The following KCNT2 variants were observed in gnomAD, a reference collection of about 807,000 sequenced individuals.
KCNT2 encodes potassium sodium-activated channel subfamily T member 2.
KCNT2 carries 67 observed loss-of-function variants against 153.8 expected under a neutral mutation model. The ratio of observed to expected loss-of-function variants is 0.44; its 90% CI spans 0.36 to 0.53. KCNT2 has a LOEUF of 0.53. Ranked by LOEUF, KCNT2 falls within the 20% of genes least tolerant of loss-of-function variation. KCNT2 has a pLI of 0.00. For missense variants in KCNT2, 975 were observed against 1,354.8 expected, an observed-to-expected ratio of 0.72 and a Z score of 4.40; for synonymous variants, 500 against 458.8, an observed-to-expected ratio of 1.09 and a Z score of -1.15.
chr1:196,329,950 C>CAT (rs71154737), intron 18 of KCNT2, among the ~76,000 whole-genome samples: 4,471 of 73,338 alleles, frequency 0.061, 147 homozygotes, highest in Admixed American at 0.11. Flanking sequence ...TTCCTCAAGA[C>CAT]ATATATATAT....
chr1:196,492,366 T>C (rs369995782), intron 1 of KCNT2, 25 bp from the exon 2 acceptor site: 6 of 1,326,500 alleles, frequency 4.5e-6, no homozygotes, highest in Non-Finnish European at 6.0e-6. Flanking sequence ...TAAAAACATG[T>C]AAATGTATGC....
intron 4 of KCNT2, 119 bp downstream of exon 4, chr1:196,482,212 G>T: frequency 1.5e-6 from 1 of 663,544 alleles, no homozygotes; most frequent in Non-Finnish European, 2.6e-6. Flanking sequence ...AGATGTGCAT[G>T]AAGATTAATC....
intron 21 of KCNT2, among the ~76,000 whole-genome samples, chr1:196,313,455 C>T (rs149067723): frequency 9.9e-5 from 15 of 151,568 alleles, no homozygotes; most frequent in African/African-American, 3.6e-4. Flanking sequence ...CATAGTAAAT[C>T]AGGAACTAAA....
chr1:196,416,657 TCTC>T (rs1672778575), intron 12 of KCNT2, among the ~76,000 whole-genome samples: 1 of 152,030 alleles, frequency 6.6e-6, no homozygotes, highest in Non-Finnish European at 1.5e-5. Flanking sequence ...CCTTATTTCT[TCTC>T]CTGATTCATA....
At chr1:196,303,346 T>C (rs1004657996) in intron 22 of KCNT2, among the ~76,000 whole-genome samples, 6 of 152,172 alleles carry the variant, frequency 3.9e-5, no homozygotes, top group Non-Finnish European at 5.9e-5. Flanking sequence ...AAATATTAAG[T>C]TTTATTTTTC....
intron 3 of KCNT2, among the ~76,000 whole-genome samples, chr1:196,488,931 G>A (rs984178854): frequency 2.0e-5 from 3 of 151,948 alleles, no homozygotes; most frequent in African/African-American, 7.2e-5. Context: ...AGAGCACCCA[G>A]AAGATACTCC....
intron 26 of KCNT2, among the ~76,000 whole-genome samples, chr1:196,238,721 A>G (rs937539394): frequency 1.3e-5 from 2 of 151,958 alleles, no homozygotes; most frequent in African/African-American, 4.8e-5. Flanking sequence ...TTGGAGAAAT[A>G]CCTAATGTAA....
At chr1:196,538,875 C>T (rs530234915) in intron 1 of KCNT2, among the ~76,000 whole-genome samples, 146 of 152,294 alleles carry the variant, frequency 9.6e-4, no homozygotes, top group African/African-American at 3.2e-3. Context: ...ATCCTAGCAC[C>T]ACTCAATTGA....
chr1:196,550,232 T>C (rs1481995020), intron 1 of KCNT2, among the ~76,000 whole-genome samples: 1 of 151,790 alleles, frequency 6.6e-6, no homozygotes, highest in Non-Finnish European at 1.5e-5. Context: ...TAGACCAAAT[T>C]TCAAAATGTA....
At chr1:196,468,313 G>A (rs952287253) in intron 6 of KCNT2, among the ~76,000 whole-genome samples, 16 of 152,086 alleles carry the variant, frequency 1.1e-4, no homozygotes, top group Admixed American at 2.0e-4. Flanking sequence ...TCAGAACAGA[G>A]CGACAGCTCC....
At chr1:196,317,223 G>T (rs773002621) in intron 20 of KCNT2, 2 of 451,000 alleles carry the variant, frequency 4.4e-6, no homozygotes, top group East Asian at 7.0e-5. Flanking sequence ...AAAATATTTC[G>T]CTTGAATCAG....
At chr1:196,522,991 C>T (rs551070071) in intron 1 of KCNT2, among the ~76,000 whole-genome samples, 118 of 152,314 alleles carry the variant, frequency 7.7e-4, no homozygotes, top group Admixed American at 5.9e-4. Context: ...GGTCCCCTTC[C>T]ATGCTGTGAA....
At position 196,319,489 on chromosome 1, in the gene KCNT2, A is replaced by G; in HGVS notation, c.2343T>C (p.Ile781=). ...CCAAAGATTTTGTCACCTACTTGTCAATAGAGCCCACCATGTAGTAAACCA... is the reference window on the plus strand; with the variant it reads ...CCAAAGATTTTGTCACCTACTTGTCGATAGAGCCCACCATGTAGTAAACCA... ...FPMVYYMVGS[I]DNLDDLLRCG... The change falls in exon 20 of 28, where the codon ATT becomes ATC. Residue 781 remains isoleucine (I), a synonymous_variant. Transcript: ENST00000294725. The G allele has an allele frequency of 6.2e-7, 1 of 1,609,376 alleles. No homozygotes were observed. Among genetic ancestry groups the G allele is most frequent in the South Asian group, 1.1e-5 (1 of 90,898 alleles).
rs141334639 is a variant in KCNT2, at chr1:196,548,706, G to A, written c.96-56365C>T. On this transcript the variant is annotated intron_variant, in intron 1 of 27. Transcript: ENST00000294725. ...TGCTGCTATAAAGACACATGCACAC[G>A]TATGTTTATTGCAGCACTATTCACA... Among the ~76,000 whole-genome samples, 496 of 152,092 alleles carry A rather than the reference G, an allele frequency of 3.3e-3. 2 individuals carry two copies. Among genetic ancestry groups the A allele is most frequent in the African/African-American group, 0.011 (445 of 41,486 alleles).
At chr1:196,375,925 C>T (rs1288095288) in intron 13 of KCNT2, among the ~76,000 whole-genome samples, 2 of 151,706 alleles carry the variant, frequency 1.3e-5, no homozygotes, top group Non-Finnish European at 3.0e-5. Flanking sequence ...ATATAATATT[C>T]AACTGGATAA....
intron 25 of KCNT2, among the ~76,000 whole-genome samples, chr1:196,263,309 A>C (rs921970105): frequency 1.3e-5 from 2 of 152,246 alleles, no homozygotes; most frequent in East Asian, 3.9e-4. Flanking sequence ...TGCAGCCATA[A>C]AAAAGGATGA....
chr1:196,390,170 AT>A (rs1371715245), intron 13 of KCNT2, among the ~76,000 whole-genome samples: 3 of 151,182 alleles, frequency 2.0e-5, no homozygotes, highest in Admixed American at 1.3e-4. Context: ...ATTTTGGCAT[AT>A]TTTTTTATTT....
chr1:196,259,252 CAA>C (rs1656791859), intron 25 of KCNT2, among the ~76,000 whole-genome samples: 1 of 152,102 alleles, frequency 6.6e-6, no homozygotes, highest in Admixed American at 6.5e-5. Flanking sequence ...AACAAACTCA[CAA>C]AGTCTATTAT....
chr1:196,459,801 T>A (rs913966531), intron 8 of KCNT2, among the ~76,000 whole-genome samples: 2 of 151,818 alleles, frequency 1.3e-5, no homozygotes, highest in African/African-American at 2.4e-5. Context: ...TTACTGTAAA[T>A]GACCACATTT....
Sources: gnomAD v4.1 joint callset for allele counts (sites outside exome capture counted in the v4.1 genomes callset) on GRCh38, gnomAD v4.1.1 for gene constraint, MANE v1.5 for transcripts, NCBI Gene and HGNC (gene_info 2026-07-23, HGNC 2026-07-21) for gene names.